DCC: variants seen among roughly 807,000 people sequenced by gnomAD.
The protein encoded by DCC is DCC netrin 1 receptor.
DCC carries 58 observed loss-of-function variants against 172.5 expected under a neutral mutation model. The observed-to-expected ratio is 0.34, with a 90% CI of 0.27 to 0.42. The LOEUF is 0.42. Ranked by LOEUF, DCC falls within the 10% of genes least tolerant of loss-of-function variation. The probability of loss-of-function intolerance (pLI) is 1.00; values close to 1 mark genes in which losing one functional copy is unlikely to be tolerated. For synonymous variants in DCC, 709 were observed against 644.5 expected, an observed-to-expected ratio of 1.10 and a Z score of -1.52; for missense variants, 1,740 against 1,791.0, an observed-to-expected ratio of 0.97 and a Z score of 0.51.
chr18:53,247,681 T>G (rs567021230), intron 12 of DCC, among the ~76,000 whole-genome samples: 1 of 152,148 alleles, frequency 6.6e-6, no homozygotes, highest in African/African-American at 2.4e-5. Flanking sequence ...TTTAAAATTC[T>G]TACTGTTTGA....
intron 7 of DCC, among the ~76,000 whole-genome samples, chr18:53,098,628 C>T (rs1425477401): frequency 6.6e-6 from 1 of 152,038 alleles, no homozygotes; most frequent in Non-Finnish European, 1.5e-5. Flanking sequence ...TCAATTTGTC[C>T]CATGATTGAT....
rs117333801 is a variant in DCC, at chr18:52,391,300, C to T, written c.91+50422C>T. 2.7e-3 allele frequency among the ~76,000 whole-genome samples: 413 copies of T among 152,094 alleles called. 1 individual carries two copies. The highest frequency in any genetic ancestry group is 4.8e-3 in the Non-Finnish European group (326 of 67,976). ...AGAAGGACCCTCAAATGTTGCTTCACCATTATGGATCTTAATATCTAAAAT... is the reference window on the plus strand; with the variant it reads ...AGAAGGACCCTCAAATGTTGCTTCATCATTATGGATCTTAATATCTAAAAT... On this transcript the variant is annotated intron_variant, in intron 1 of 28. Coordinates refer to ENST00000442544, the MANE Select transcript of DCC (RefSeq NM_005215.4).
At chr18:52,535,116 A>T (rs1255909442) in intron 1 of DCC, among the ~76,000 whole-genome samples, 1 of 152,230 alleles carries the variant, frequency 6.6e-6, no homozygotes, top group East Asian at 1.9e-4. Context: ...AGTTATAGCC[A>T]GCTCCATCAT....
chr18:52,860,215 T>C (rs1001708297), intron 2 of DCC, among the ~76,000 whole-genome samples: 3 of 152,238 alleles, frequency 2.0e-5, no homozygotes, highest in East Asian at 1.9e-4. Flanking sequence ...TTCTGGATTG[T>C]AGTTTAAATC....
chr18:52,776,978 G>A (rs2037445974), intron 2 of DCC, among the ~76,000 whole-genome samples: 1 of 152,186 alleles, frequency 6.6e-6, no homozygotes, highest in Admixed American at 6.5e-5. Flanking sequence ...TTTGGGACTA[G>A]CATGAGGCCA....
chr18:53,350,664 CT>C (rs1568074013), intron 15 of DCC, among the ~76,000 whole-genome samples: 1 of 151,896 alleles, frequency 6.6e-6, no homozygotes, highest in Non-Finnish European at 1.5e-5. Context: ...CTTTTAGTCC[CT>C]GTATCATGGT....
At chr18:53,468,122 CA>C in intron 25 of DCC, 112 bp downstream of exon 25, 1 of 719,042 alleles carries the variant, frequency 1.4e-6, no homozygotes, top group East Asian at 2.7e-5. Flanking sequence ...ACTTTCTGGA[CA>C]AATGGAAATG....
intron 22 of DCC, among the ~76,000 whole-genome samples, chr18:53,438,671 T>C (rs898284800): frequency 2.6e-5 from 4 of 152,202 alleles, no homozygotes; most frequent in African/African-American, 9.6e-5. Context: ...CAAATTAAAA[T>C]AAATTTTTGG....
chr18:53,131,619 A>G (rs145359298), intron 7 of DCC, among the ~76,000 whole-genome samples: 34 of 152,310 alleles, frequency 2.2e-4, no homozygotes, highest in African/African-American at 7.2e-4. Context: ...TATATAATCA[A>G]GAACCTATGA....
intron 5 of DCC, chr18:52,931,890 G>A (rs905007343): frequency 7.9e-5 from 12 of 151,638 alleles, no homozygotes; most frequent in Non-Finnish European, 1.5e-4. Flanking sequence ...AGTGGGCTTC[G>A]TATAATTACA....
rs554586810 is a variant in DCC, at chr18:52,479,226, T to C, written c.91+138348T>C. Among the ~76,000 whole-genome samples the C allele has an allele frequency of 1.2e-3, 176 of 152,340 alleles. 2 individuals carry two copies. The highest frequency in any genetic ancestry group is 6.8e-3 in the Middle Eastern group (2 of 294). ...TATCTTTTAAATACTTAAGCACATA[T>C]AGATTTTCTCTTCTTAAGAGGATGG... On this transcript the variant is annotated intron_variant, in intron 1 of 28. Transcript: ENST00000442544.
chr18:53,203,567 A>G (rs1431622061), intron 9 of DCC, among the ~76,000 whole-genome samples: 1 of 152,212 alleles, frequency 6.6e-6, no homozygotes, highest in Non-Finnish European at 1.5e-5. Flanking sequence ...CAGTGATACC[A>G]TAAGGGGCCT....
intron 22 of DCC, among the ~76,000 whole-genome samples, chr18:53,438,653 T>C (rs1179385484): frequency 1.3e-5 from 2 of 152,240 alleles, no homozygotes; most frequent in African/African-American, 4.8e-5. Flanking sequence ...CTATTTGAAG[T>C]TGCTATTCAA....
At chr18:52,438,704 GT>G (rs1322178661) in intron 1 of DCC, among the ~76,000 whole-genome samples, 1 of 152,148 alleles carries the variant, frequency 6.6e-6, no homozygotes. Context: ...TAATAAAGCA[GT>G]GCTATGTATG....
intron 7 of DCC, among the ~76,000 whole-genome samples, chr18:53,131,355 C>T (rs1178794115): frequency 1.3e-5 from 2 of 152,016 alleles, no homozygotes; most frequent in South Asian, 4.1e-4. Context: ...TATTCAAAAG[C>T]CTAAGGATTG....
At chr18:53,316,017 G>A (rs967059558) in intron 13 of DCC, among the ~76,000 whole-genome samples, 2 of 152,046 alleles carry the variant, frequency 1.3e-5, no homozygotes, top group Admixed American at 1.3e-4. Context: ...ATTGCTTTTG[G>A]TGTTTTAGTC....
At chr18:52,931,167 A>G (rs2040301871) in intron 5 of DCC, among the ~76,000 whole-genome samples, 1 of 152,064 alleles carries the variant, frequency 6.6e-6, no homozygotes, top group Non-Finnish European at 1.5e-5. Flanking sequence ...CCAAAAATGA[A>G]TATTTGTATA....
At chr18:52,704,674 G>T (rs2036177169) in intron 1 of DCC, among the ~76,000 whole-genome samples, 1 of 152,194 alleles carries the variant, frequency 6.6e-6, no homozygotes, top group South Asian at 2.1e-4. Context: ...ATCAAGTCAG[G>T]ATTGCAGTTG....
chr18:53,268,949 A>C (rs1322674082), intron 12 of DCC, among the ~76,000 whole-genome samples: 1 of 152,088 alleles, frequency 6.6e-6, no homozygotes, highest in Non-Finnish European at 1.5e-5. Flanking sequence ...TGTAGTCTCC[A>C]GGTCATTTAC....
Sources: allele counts gnomAD v4.1 joint callset (sites outside exome capture counted in the v4.1 genomes callset), GRCh38; gene constraint gnomAD v4.1.1; transcripts MANE v1.5; gene names NCBI Gene and HGNC (gene_info 2026-07-23, HGNC 2026-07-21).